Variants in EPB41L1 observed in about 807,000 individuals in gnomAD.
EPB41L1 encodes erythrocyte membrane protein band 4.1 like 1, also known as band 4.1-like protein 1.
Under a neutral mutation model 97.8 loss-of-function variants are expected in EPB41L1, and 29 were observed. The ratio of observed to expected loss-of-function variants is 0.30; its 90% CI spans 0.22 to 0.40. The LOEUF (loss-of-function observed/expected upper bound fraction) is 0.40, where lower values mean the gene tolerates loss of function less well. EPB41L1 is among the 10% of genes least tolerant of loss of function. The probability of loss-of-function intolerance (pLI) is 1.00; values close to 1 mark genes in which losing one functional copy is unlikely to be tolerated. For missense variants in EPB41L1, 812 were observed against 1,162.3 expected (o/e 0.70, Z 4.38); for synonymous variants, 383 against 459.2 (o/e 0.83, Z 2.12).
At chr20:36,145,584 C>T (rs2059803012) in intron 2 of EPB41L1, among the ~76,000 whole-genome samples, 1 of 152,106 alleles carries the variant, frequency 6.6e-6, no homozygotes, top group Admixed American at 6.6e-5. Flanking sequence ...ACTGAGTCTT[C>T]ACCAGGAGCA....
Position 36,209,416 on chromosome 20 carries a change from A to G in EPB41L1, c.1669-72A>G. 1 of 1,534,948 alleles carries G rather than the reference A, an allele frequency of 6.5e-7. No individual in the cohort carries two copies. Among genetic ancestry groups the G allele is most frequent in the Non-Finnish European group, 8.9e-7 (1 of 1,129,270 alleles). On this transcript the variant is annotated intron_variant, in intron 14 of 21. Coordinates refer to ENST00000338074, the MANE Select transcript of EPB41L1 (RefSeq NM_012156.2). The surrounding 1 kb of genome is among the most constrained non-coding windows in gnomAD (Gnocchi z 4.2). The stretch of plus-strand genomic sequence containing the variant: ...AGCCCCGAGATTTCTCCTGACATTC[A>G]CCATCTTGATTTCTCTTTCTCTCTC...
Position 36,154,893 on chromosome 20 carries a change from C to T in EPB41L1, c.-18C>T. ...CTGCCCGACATGGGGAACCCCGGGCCCAGGTAGGCACATGGGGGAATCAGG... is the reference window on the plus strand; with the variant it reads ...CTGCCCGACATGGGGAACCCCGGGCTCAGGTAGGCACATGGGGGAATCAGG... On this transcript the variant is annotated 5_prime_UTR_variant, in exon 1 of 22. Transcript: ENST00000338074. The surrounding 1 kb of genome is among the most constrained non-coding windows in gnomAD (Gnocchi z 5.5). 1 of 1,030,120 alleles carries T rather than the reference C, an allele frequency of 9.7e-7. No homozygotes were observed. The highest frequency in any genetic ancestry group is 1.2e-6 in the Non-Finnish European group (1 of 856,586). 63.8% of individuals were successfully genotyped at this position (1,030,120 alleles called of 1,614,324 possible). A position where few individuals can be genotyped will look rare whatever the true frequency, so the allele number is the denominator to read the frequency against.
rs1242988163 is a variant in EPB41L1 at position 36,093,187 on chromosome 20, GTGCGTGTGTC to G, written c.-65+1588_-65+1597del. ...GTGGTGCGTGCGTATCTGGGTGAGG[GTGCGTGTGTC>G]TGCGTGTGTCTGTCGGTGAATGTAT... On this transcript the variant is annotated intron_variant, in intron 1 of 19. Coordinates refer to the EPB41L1 transcript ENST00000202028. The surrounding 1 kb of genome is among the most constrained non-coding windows in gnomAD (Gnocchi z 5.4). Among the ~76,000 whole-genome samples the G allele has an allele frequency of 6.6e-6, 1 of 151,868 alleles. No individual in the cohort carries two copies. The highest frequency in any genetic ancestry group is 2.4e-5 in the African/African-American group (1 of 41,334).
At chr20:36,177,858 G>A (rs1205045104) in intron 3 of EPB41L1, 94 bp from the exon 4 acceptor site, 7 of 1,012,576 alleles carry the variant, frequency 6.9e-6, no homozygotes, top group African/African-American at 1.6e-5. Context: ...AAGGCCCTTG[G>A]GGTTTTTGAA....
chr20:36,191,007 T>C (rs550381438), intron 11 of EPB41L1, among the ~76,000 whole-genome samples: 83 of 152,294 alleles, frequency 5.4e-4, no homozygotes, highest in Admixed American at 3.8e-3. Context: ...TGAGATGTGA[T>C]ACTACCACTC....
chr20:36,210,637 C>A (rs986128219), intron 15 of EPB41L1, among the ~76,000 whole-genome samples: 1 of 152,162 alleles, frequency 6.6e-6, no homozygotes, highest in East Asian at 1.9e-4. Flanking sequence ...CCTTTCGGTG[C>A]CTTACAAACC....
intron 2 of EPB41L1, among the ~76,000 whole-genome samples, chr20:36,140,488 A>G (rs1435167119): frequency 6.6e-6 from 1 of 152,108 alleles, no homozygotes; most frequent in Non-Finnish European, 1.5e-5. Flanking sequence ...CAGTTTTCTC[A>G]TCTGTAAAGT....
intron 2 of EPB41L1, among the ~76,000 whole-genome samples, chr20:36,128,960 G>C (rs889856949): frequency 1.3e-5 from 2 of 152,144 alleles, no homozygotes; most frequent in African/African-American, 4.8e-5. Flanking sequence ...GGATGAGGTG[G>C]GTGGAGAGAG....
chr20:36,121,494 C>G (rs1267817390), intron 2 of EPB41L1, among the ~76,000 whole-genome samples: 1 of 152,164 alleles, frequency 6.6e-6, no homozygotes, highest in South Asian at 2.1e-4. Context: ...TAGGCTGGTT[C>G]TTGCCTCTCT....
At chr20:36,107,823 C>G (rs1395924379) in intron 1 of EPB41L1, among the ~76,000 whole-genome samples, 1 of 147,900 alleles carries the variant, frequency 6.8e-6, no homozygotes, top group Non-Finnish European at 1.5e-5. Flanking sequence ...AGTGAGACTC[C>G]ATCTTAAAAA....
chr20:36,127,597 G>A (rs1408252056), intron 2 of EPB41L1, among the ~76,000 whole-genome samples: 1 of 152,136 alleles, frequency 6.6e-6, no homozygotes, highest in African/African-American at 2.4e-5. Flanking sequence ...TAAGAATCAG[G>A]AAAACTGTAT....
At chr20:36,150,070 GT>G (rs112537871), upstream of EPB41L1, among the ~76,000 whole-genome samples, 652 of 141,492 alleles carry the variant, frequency 4.6e-3, 3 homozygotes, top group African/African-American at 0.014. Flanking sequence ...AGGTTTTTTT[GT>G]TTTTTTTTTT....
chr20:36,190,518 T>G lies in EPB41L1; in HGVS notation c.1125-104T>G. ...TCCCTTCCTGGACCACTTTGAATTG[T>G]TGTAGTTGGTGGAGTAGTGGGATGA... is the stretch of plus-strand genomic sequence containing the variant. On this transcript the variant is annotated intron_variant, in intron 10 of 21. Transcript: ENST00000338074. This position sits in a 1 kb window ranked among gnomAD's most constrained non-coding sequence, Gnocchi z 5.8. 6.4e-7 allele frequency: 1 copy of G among 1,551,578 alleles called. No individual in the cohort carries two copies. Among genetic ancestry groups the G allele is most frequent in the Non-Finnish European group, 8.8e-7 (1 of 1,130,482 alleles).
At chr20:36,225,452 A>T (rs1026227244) in intron 21 of EPB41L1, among the ~76,000 whole-genome samples, 1 of 152,140 alleles carries the variant, frequency 6.6e-6, no homozygotes, top group Non-Finnish European at 1.5e-5. Flanking sequence ...ATTGCCTGGG[A>T]ATCTTCATTT....
At chr20:36,096,214 C>A (rs992952723) in intron 1 of EPB41L1, among the ~76,000 whole-genome samples, 2 of 152,134 alleles carry the variant, frequency 1.3e-5, no homozygotes, top group African/African-American at 4.8e-5. Flanking sequence ...CTTGGAAAGC[C>A]TCCCCTGTCC....
At position 36,093,681 on chromosome 20, in the gene EPB41L1, G is replaced by A. The variant is rs1033967521; in HGVS notation, c.-65+2069G>A. 2.0e-5 allele frequency among the ~76,000 whole-genome samples: 3 copies of A among 149,392 alleles called. No individual in the cohort carries two copies. Among genetic ancestry groups the A allele is most frequent in the Non-Finnish European group, 4.4e-5 (3 of 67,878 alleles). On this transcript the variant is annotated intron_variant, in intron 1 of 19. Coordinates refer to the EPB41L1 transcript ENST00000202028. This position sits in a 1 kb window ranked among gnomAD's most constrained non-coding sequence, Gnocchi z 5.4. The stretch of plus-strand genomic sequence containing the variant: ...TCCTGCTTGAAGCCCGTGTGCGTGC[G>A]TGCGTGCGTGTGTGTGTGTGTGTAT...
At chr20:36,111,432 G>A (rs913659587) in intron 1 of EPB41L1, among the ~76,000 whole-genome samples, 2 of 152,168 alleles carry the variant, frequency 1.3e-5, no homozygotes, top group Admixed American at 1.3e-4. Context: ...AAAGAAGATT[G>A]AGAAAAGTAC....
intron 2 of EPB41L1, among the ~76,000 whole-genome samples, chr20:36,117,820 G>A (rs988396204): frequency 6.6e-6 from 1 of 152,198 alleles, no homozygotes; most frequent in African/African-American, 2.4e-5. Flanking sequence ...GTGTGGGGGA[G>A]GAGTCATGTC....
intron 2 of EPB41L1, among the ~76,000 whole-genome samples, chr20:36,132,710 C>G (rs2059265945): frequency 6.8e-6 from 1 of 147,502 alleles, no homozygotes; most frequent in Non-Finnish European, 1.5e-5. Context: ...GCCTGATATG[C>G]TGTGGCCGGG....
Sources: gnomAD v4.1 joint callset for allele counts (sites outside exome capture counted in the v4.1 genomes callset) on GRCh38, gnomAD v4.1.1 for gene constraint, Gnocchi (gnomAD v3.1) non-coding constraint, MANE v1.5 for transcripts, NCBI Gene and HGNC (gene_info 2026-07-23, HGNC 2026-07-21) for gene names.